Variants in SIN3B observed in about 807,000 individuals in gnomAD.
The protein encoded by SIN3B is paired amphipathic helix protein Sin3b.
SIN3B carries 19 observed loss-of-function variants against 120.2 expected under a neutral mutation model. That is an observed-to-expected ratio of 0.16 (90% CI 0.11 to 0.23). The LOEUF is 0.23. Ranked by LOEUF, SIN3B falls within the 10% of genes least tolerant of loss-of-function variation. SIN3B has a pLI of 1.00. For missense variants in SIN3B, 1,073 were observed against 1,573.0 expected (o/e 0.68, Z 5.38); for synonymous variants, 654 against 653.2 (o/e 1.00, Z -0.02).
chr19:16,837,883 G>T (rs1441750513), intron 3 of SIN3B, among the ~76,000 whole-genome samples: 1 of 152,132 alleles, frequency 6.6e-6, no homozygotes, highest in South Asian at 2.1e-4. Context: ...TTGGGGGGCT[G>T]CTATGTGTCT....
chr19:16,861,384 T>C (rs889862609), intron 8 of SIN3B, among the ~76,000 whole-genome samples: 2 of 152,048 alleles, frequency 1.3e-5, no homozygotes, highest in South Asian at 2.1e-4. Flanking sequence ...CCCAGTACTT[T>C]GGGAGGTTGA....
At position 16,880,142 on chromosome 19, in the gene SIN3B, G is replaced by C. The variant is rs2051675539; in HGVS notation, c.*1415G>C. On this transcript the variant is annotated 3_prime_UTR_variant, in exon 19 of 19. Transcript: ENST00000248054. ...CCTGTACCAGGCCCACGGCCGTCTC[G>C]GGCAGAGCCACCTGGGCCCCGGGTG... is the stretch of plus-strand genomic sequence containing the variant. 1 of 152,190 alleles carries C rather than the reference G, an allele frequency of 6.6e-6. No homozygotes were observed. Among genetic ancestry groups the C allele is most frequent in the South Asian group, 2.1e-4 (1 of 4,822 alleles). 9.4% of individuals were successfully genotyped at this position (152,190 alleles called of 1,614,324 possible).
chr19:16,871,412 G>T lies in SIN3B; in HGVS notation c.2592+14G>T, dbSNP rs1198777542. On this transcript the variant is annotated intron_variant, in intron 14 of 18. Coordinates refer to ENST00000248054, the MANE Select transcript of SIN3B (RefSeq NM_001297595.2). ...ATTGCGCGGCAGGTGAGCCGGGCCG[G>T]GGTGGGGCCGGCCCTGAGGACGGCG... 6.3e-7 allele frequency: 1 copy of T among 1,588,904 alleles called. No individual in the cohort carries two copies. The highest frequency in any genetic ancestry group is 8.6e-7 in the Non-Finnish European group (1 of 1,166,482).
At chr19:16,844,631 C>T (rs552596357) in intron 4 of SIN3B, among the ~76,000 whole-genome samples, 1 of 152,326 alleles carries the variant, frequency 6.6e-6, no homozygotes, top group Non-Finnish European at 1.5e-5. Context: ...ATGGGAACTG[C>T]AGGTTCATGG....
intron 4 of SIN3B, among the ~76,000 whole-genome samples, chr19:16,845,960 A>G (rs1433148500): frequency 6.6e-6 from 1 of 152,094 alleles, no homozygotes; most frequent in Non-Finnish European, 1.5e-5. Context: ...TTTTGTAGCG[A>G]TAGGGTCTCA....
chr19:16,860,439 G>A (rs760124812), intron 8 of SIN3B, among the ~76,000 whole-genome samples: 1 of 152,020 alleles, frequency 6.6e-6, no homozygotes, highest in Non-Finnish European at 1.5e-5. Context: ...CGTTTCCATC[G>A]GCTTGTGGGT....
intron 12 of SIN3B, among the ~76,000 whole-genome samples, chr19:16,867,170 C>T (rs536827977): frequency 8.5e-5 from 13 of 152,286 alleles, no homozygotes; most frequent in African/African-American, 1.2e-4. Flanking sequence ...TGCCAGGCAC[C>T]GGTGTTAGCA....
chr19:16,869,079 C>T (rs1971819471), intron 12 of SIN3B, among the ~76,000 whole-genome samples: 1 of 152,152 alleles, frequency 6.6e-6, no homozygotes, highest in Non-Finnish European at 1.5e-5. Context: ...GCCTCAGAGG[C>T]TTCTCCATGC....
At chr19:16,861,337 A>G (rs936685140) in intron 8 of SIN3B, among the ~76,000 whole-genome samples, 21 of 152,142 alleles carry the variant, frequency 1.4e-4, no homozygotes, top group Non-Finnish European at 2.6e-4. Flanking sequence ...CTTTATTTAC[A>G]ATGGGATGGC....
chr19:16,833,571 G>A (rs2144572755), intron 3 of SIN3B, among the ~76,000 whole-genome samples: 1 of 151,168 alleles, frequency 6.6e-6, no homozygotes, highest in South Asian at 2.1e-4. Flanking sequence ...GGCGGAGGTT[G>A]CAGTGAGCAG....
chr19:16,867,626 C>T (rs1351840546), intron 12 of SIN3B, among the ~76,000 whole-genome samples: 1 of 152,204 alleles, frequency 6.6e-6, no homozygotes, highest in African/African-American at 2.4e-5. Flanking sequence ...CCCACCTGGG[C>T]AGGGGGTGTT....
Position 16,879,468 on chromosome 19 carries a change from A to C in SIN3B, c.*741A>C, listed in dbSNP as rs1203132130. 1 of 152,230 alleles carries C rather than the reference A, an allele frequency of 6.6e-6. No homozygotes were observed. The highest frequency in any genetic ancestry group is 1.5e-5 in the Non-Finnish European group (1 of 68,152). 9.4% of individuals were successfully genotyped at this position (152,230 alleles called of 1,614,324 possible). On this transcript the variant is annotated 3_prime_UTR_variant, in exon 19 of 19. Transcript: ENST00000248054. The stretch of plus-strand genomic sequence containing the variant: ...CCAGTATTCCCTCAGAGCCGGCACG[A>C]CCCTGCTGTGGGGCGGCGGGCCCAG...
intron 10 of SIN3B, among the ~76,000 whole-genome samples, chr19:16,864,223 G>A (rs1039193075): frequency 6.6e-6 from 1 of 151,104 alleles, no homozygotes; most frequent in Admixed American, 6.6e-5. Context: ...GAGCCAGAGA[G>A]GCCGAGGCTG....
rs1457436994 is a variant in SIN3B, at chr19:16,875,954, C to T, written c.2593-101C>T. 4 of 1,355,924 alleles carry T rather than the reference C, an allele frequency of 3.0e-6. No homozygotes were observed. In the East Asian group the frequency reaches 1.0e-4, roughly 34 times the overall value. 84.0% of individuals were successfully genotyped at this position (1,355,924 alleles called of 1,614,324 possible). On this transcript the variant is annotated intron_variant, in intron 14 of 18. Coordinates refer to ENST00000248054, the MANE Select transcript of SIN3B (RefSeq NM_001297595.2). The stretch of plus-strand genomic sequence containing the variant: ...CTTCATCCCTGTGTCATGCACTCTC[C>T]ATCCTGATGTGTTTCTGGCCTTTGT...
intron 12 of SIN3B, among the ~76,000 whole-genome samples, chr19:16,868,803 C>T (rs1418319124): frequency 6.6e-6 from 1 of 151,886 alleles, no homozygotes; most frequent in Non-Finnish European, 1.5e-5. Flanking sequence ...CTGGTGGGAG[C>T]TGGTGGGAGG....
At chr19:16,847,135 C>T (rs2144589908) in intron 5 of SIN3B, 22 bp downstream of exon 5, 7 of 1,599,634 alleles carry the variant, frequency 4.4e-6, no homozygotes, top group Non-Finnish European at 6.0e-6. Context: ...GAGCCCCTGC[C>T]CAGCCTCGGG....
chr19:16,848,671 T>C (rs557918685), intron 5 of SIN3B, among the ~76,000 whole-genome samples: 1 of 152,148 alleles, frequency 6.6e-6, no homozygotes, highest in Non-Finnish European at 1.5e-5. Flanking sequence ...AGGCCAATTT[T>C]TGTATTTTTT....
chr19:16,853,686 TTGC>T (rs1971574184), intron 7 of SIN3B, among the ~76,000 whole-genome samples: 1 of 151,282 alleles, frequency 6.6e-6, no homozygotes, highest in Admixed American at 6.6e-5. Flanking sequence ...GCTGTGTGAA[TTGC>T]TGCACGGATC....
chr19:16,832,425 T>C (rs761991051), intron 3 of SIN3B, among the ~76,000 whole-genome samples: 1 of 151,852 alleles, frequency 6.6e-6, no homozygotes, highest in Non-Finnish European at 1.5e-5. Flanking sequence ...CTTGAGCTCC[T>C]GACCTCAAGT....
Sources: gnomAD v4.1 joint callset for allele counts (sites outside exome capture counted in the v4.1 genomes callset) on GRCh38, gnomAD v4.1.1 for gene constraint, MANE v1.5 for transcripts, NCBI Gene and HGNC (gene_info 2026-07-23, HGNC 2026-07-21) for gene names.